Variants in CDK13 observed in about 807,000 individuals in gnomAD.
CDK13 encodes the protein cyclin-dependent kinase 13.
A neutral mutation model predicts 137.6 loss-of-function variants in CDK13; 40 were observed. The ratio of observed to expected loss-of-function variants is 0.29; its 90% CI spans 0.23 to 0.38. The LOEUF (loss-of-function observed/expected upper bound fraction) is 0.38. Among genes scored for constraint, CDK13 ranks in the 10% least tolerant of loss-of-function variants. CDK13 has a pLI of 1.00. For synonymous variants in CDK13, 869 were observed against 760.1 expected (o/e 1.14, Z -2.36); for missense variants, 1,704 against 1,951.8 (o/e 0.87, Z 2.39).
intron 11 of CDK13, among the ~76,000 whole-genome samples, chr7:40,087,416 T>A (rs1786812803): frequency 6.6e-6 from 1 of 152,174 alleles, no homozygotes; most frequent in Admixed American, 6.5e-5. Context: ...GCACTGGGAT[T>A]ATAGGCGTGA....
intron 5 of CDK13, among the ~76,000 whole-genome samples, chr7:40,027,534 C>T (rs996566625): frequency 6.6e-6 from 1 of 152,080 alleles, no homozygotes; most frequent in African/African-American, 2.4e-5. Context: ...TAAAGCCTTC[C>T]GAATGGACAA....
chr7:40,050,010 C>T (rs1343331523), intron 7 of CDK13, among the ~76,000 whole-genome samples: 1 of 151,930 alleles, frequency 6.6e-6, no homozygotes, highest in African/African-American at 2.4e-5. Context: ...GACAGAGTCT[C>T]ACTCTGTCGC....
At chr7:40,062,782 T>C in intron 7 of CDK13, 44 bp from the exon 8 acceptor site, 2 of 1,349,290 alleles carry the variant, frequency 1.5e-6, no homozygotes, top group Non-Finnish European at 2.1e-6. Flanking sequence ...TCTGTCTTAC[T>C]CCAACAAATA....
intron 1 of CDK13, among the ~76,000 whole-genome samples, chr7:39,979,385 T>C (rs1784177930): frequency 6.6e-6 from 1 of 152,030 alleles, no homozygotes; most frequent in South Asian, 2.1e-4. Context: ...CCCGTCTGAT[T>C]TTGTATTTTT....
intron 5 of CDK13, among the ~76,000 whole-genome samples, chr7:40,035,996 C>T (rs951522833): frequency 1.1e-4 from 17 of 151,924 alleles, no homozygotes; most frequent in African/African-American, 3.6e-4. Context: ...GACCTCGTCT[C>T]TATAAAAAAT....
chr7:39,976,323 T>TCTCTCTCTCTCCCACACACACACACACA, intron 1 of CDK13, among the ~76,000 whole-genome samples: 1 of 39,548 alleles, frequency 2.5e-5, no homozygotes. Flanking sequence ...TCTCTCTCTC[T>TCTCTCTCTCTCCCACACACACACACACA]CACACACACA....
chr7:40,030,616 A>C (rs1048012777), intron 5 of CDK13, among the ~76,000 whole-genome samples: 1 of 151,702 alleles, frequency 6.6e-6, no homozygotes, highest in African/African-American at 2.4e-5. Context: ...CCAGGCTGGT[A>C]TGCAACTTCT....
chr7:39,971,659 C>A (rs1784002184), intron 1 of CDK13, among the ~76,000 whole-genome samples: 1 of 146,686 alleles, frequency 6.8e-6, no homozygotes, highest in Non-Finnish European at 1.5e-5. Context: ...CCAAGGCAGG[C>A]AGATCACGAG....
chr7:40,027,655 CTTTTTTTT>C (rs761581418), intron 5 of CDK13, among the ~76,000 whole-genome samples: 1 of 89,714 alleles, frequency 1.1e-5, no homozygotes, highest in African/African-American at 5.3e-5. Flanking sequence ...CACCCTTGGG[CTTTTTTTT>C]TTTTTTTTTT....
At chr7:40,077,229 G>A (rs17538167) in intron 9 of CDK13, among the ~76,000 whole-genome samples, 281 of 152,230 alleles carry the variant, frequency 1.8e-3, no homozygotes, top group Admixed American at 3.5e-3. Context: ...ATGGCAGTTA[G>A]CAGTAGTCTT....
At chr7:40,046,589 G>A (rs1423849987) in intron 6 of CDK13, among the ~76,000 whole-genome samples, 1 of 152,036 alleles carries the variant, frequency 6.6e-6, no homozygotes, top group Admixed American at 6.5e-5. Context: ...GGAGGTTGCA[G>A]TGAGCTGAGA....
intron 4 of CDK13, among the ~76,000 whole-genome samples, chr7:40,001,425 C>T (rs1784682581): frequency 6.6e-6 from 1 of 152,044 alleles, no homozygotes; most frequent in Admixed American, 6.6e-5. Context: ...CTATGTTGGC[C>T]AGGCTGATCT....
At chr7:40,085,336 G>C (rs1248593539) in intron 11 of CDK13, among the ~76,000 whole-genome samples, 1 of 151,830 alleles carries the variant, frequency 6.6e-6, no homozygotes, top group Admixed American at 6.6e-5. Flanking sequence ...ACTCCAGCCT[G>C]GGTGACAGAG....
chr7:39,976,323 T>TCTCTCTCTCACACACACACACACA, intron 1 of CDK13, among the ~76,000 whole-genome samples: 36 of 39,546 alleles, frequency 9.1e-4, no homozygotes, highest in Non-Finnish European at 1.6e-3. Flanking sequence ...TCTCTCTCTC[T>TCTCTCTCTCACACACACACACACA]CACACACACA....
chr7:39,955,179 G>C (rs964942458), intron 1 of CDK13, among the ~76,000 whole-genome samples: 2 of 152,110 alleles, frequency 1.3e-5, no homozygotes, highest in Non-Finnish European at 2.9e-5. Flanking sequence ...CTGAAAAGAG[G>C]GGAGGGTACC....
At chr7:40,043,496 C>CA (rs1411021007) in intron 5 of CDK13, among the ~76,000 whole-genome samples, 1 of 152,020 alleles carries the variant, frequency 6.6e-6, no homozygotes, top group Non-Finnish European at 1.5e-5. Context: ...AGAGAAAAAC[C>CA]ATTGGTCCTT....
intron 2 of CDK13, among the ~76,000 whole-genome samples, chr7:39,996,611 GTTAT>G (rs1055754640): frequency 3.3e-5 from 5 of 152,092 alleles, no homozygotes; most frequent in African/African-American, 1.2e-4. Context: ...GTTGCTTGTG[GTTAT>G]TTAAATGGGC....
At chr7:39,999,536 C>T (rs376699054) in intron 4 of CDK13, 36 bp downstream of exon 4, 21 of 1,546,916 alleles carry the variant, frequency 1.4e-5, no homozygotes, top group African/African-American at 2.8e-5. Flanking sequence ...TTTGGGCCTA[C>T]GGAATGTACT....
chr7:40,070,952 A>G (rs1786408642), intron 9 of CDK13: 1 of 152,214 alleles, frequency 6.6e-6, no homozygotes, highest in African/African-American at 2.4e-5. Context: ...GAAGAAATTG[A>G]AAGTAGATTA....
Sources: gnomAD v4.1 joint callset for allele counts (sites outside exome capture counted in the v4.1 genomes callset) on GRCh38, gnomAD v4.1.1 for gene constraint, MANE v1.5 for transcripts, NCBI Gene and HGNC (gene_info 2026-07-23, HGNC 2026-07-21) for gene names.